The following SLIT3 variants were observed in gnomAD, a reference collection of about 807,000 sequenced individuals.
SLIT3 encodes slit homolog 3 protein.
In SLIT3, 68 loss-of-function variants were observed where a neutral mutation model predicts 184.0. The observed-to-expected ratio is 0.37, with a 90% CI of 0.30 to 0.45. The LOEUF is 0.45. SLIT3 is among the 20% of genes least tolerant of loss of function. The pLI is 1.00. For missense variants in SLIT3, 1,707 were observed against 2,026.0 expected (o/e 0.84, Z 3.02); for synonymous variants, 831 against 828.6 (o/e 1.00, Z -0.05).
In SLIT3 at chr5:168,864,252, G is replaced by T. The variant is rs115876185; in HGVS notation, c.485+19013C>A. Among the ~76,000 whole-genome samples, 970 of 152,200 alleles carry T rather than the reference G, an allele frequency of 6.4e-3. 13 individuals are homozygous for T. Among genetic ancestry groups the T allele is most frequent in the African/African-American group, 0.022 (904 of 41,536 alleles). On this transcript the variant is annotated intron_variant, in intron 5 of 35. Transcript: ENST00000519560. ...AGCATAATGCTTAAAAACACAAGTG[G>T]TAAAAGACTGTACAGACCATCTGCA... is the stretch of plus-strand genomic sequence containing the variant.
At chr5:168,817,237 T>C in intron 8 of SLIT3, 63 bp downstream of exon 8, 7 of 1,492,688 alleles carry the variant, frequency 4.7e-6, no homozygotes, top group Non-Finnish European at 6.5e-6. Context: ...AGGGTGATGT[T>C]GTGGGAGCTC....
chr5:169,080,637 G>GT (rs139005435), intron 4 of SLIT3, among the ~76,000 whole-genome samples: 5,610 of 151,770 alleles, frequency 0.037, 372 homozygotes, highest in East Asian at 0.23. Context: ...TGAGGAAGCT[G>GT]TTTTTTTTGC....
chr5:169,226,731 T>TC (rs112660985), intron 3 of SLIT3, among the ~76,000 whole-genome samples: 73 of 152,254 alleles, frequency 4.8e-4, no homozygotes, highest in African/African-American at 1.7e-3. Flanking sequence ...TTATCCTCAG[T>TC]CCCTTCTCTT....
chr5:168,824,537 C>T (rs1387748164), intron 6 of SLIT3, among the ~76,000 whole-genome samples: 3 of 152,178 alleles, frequency 2.0e-5, no homozygotes, highest in African/African-American at 7.2e-5. Flanking sequence ...GCAGAAACAT[C>T]ACGTAGCAGG....
intron 4 of SLIT3, among the ~76,000 whole-genome samples, chr5:168,893,226 C>G (rs1760533107): frequency 6.6e-6 from 1 of 152,140 alleles, no homozygotes; most frequent in Admixed American, 6.6e-5. Flanking sequence ...AGCTTGTTCA[C>G]CTGATTCAAA....
intron 4 of SLIT3, among the ~76,000 whole-genome samples, chr5:169,039,675 A>G (rs1757382770): frequency 6.6e-6 from 1 of 152,096 alleles, no homozygotes; most frequent in African/African-American, 2.4e-5. Flanking sequence ...TTCCACCACC[A>G]CTAATCAAAG....
rs144799628 is a variant in SLIT3 at position 168,685,737 on chromosome 5, C to A, written c.3505G>T (p.Val1169Leu). The A allele has an allele frequency of 1.3e-6, 2 of 1,596,326 alleles. No homozygotes were observed. The highest frequency in any genetic ancestry group is 3.4e-5 in the Admixed American group (2 of 59,152). The change falls in exon 31 of 36, where the codon GTG becomes TTG. Residue 1169 changes from valine (V) to leucine (L), a missense_variant. By Grantham distance (32) the Val-to-Leu change is conservative. Around this residue, in one of 3 missense-constraint regions of SLIT3, gnomAD observed 387 missense variants for 477.9 expected, o/e 0.81. Coordinates refer to ENST00000519560, the MANE Select transcript of SLIT3 (RefSeq NM_003062.4). The stretch of plus-strand genomic sequence containing the variant: ...CGGACCTTGGCGGAGGCCAGTTCCA[C>A]GTAGGAGTCTTTGCCCACGAAGTTG... ...TVNFVGKDSY[V>L]ELASAKVRPQ... is the part of the protein sequence containing the mutation.
At position 168,975,656 on chromosome 5, in the gene SLIT3, T is replaced by TA. The variant is rs539924150; in HGVS notation, c.414-92321dup. Among the ~76,000 whole-genome samples, 14 of 152,298 alleles carry TA rather than the reference T, an allele frequency of 9.2e-5. No individual in the cohort carries two copies. In the Middle Eastern group the frequency reaches 0.01, roughly 111 times the overall value. On this transcript the variant is annotated intron_variant, in intron 4 of 35. Transcript: ENST00000519560. ...AAATAAATTTTAAGCATCTTTGTTC[T>TA]AAAAAAATTCAGCCACTTTTTTCTG...
At chr5:168,726,039 T>G (rs1763097826) in intron 20 of SLIT3, among the ~76,000 whole-genome samples, 1 of 152,136 alleles carries the variant, frequency 6.6e-6, no homozygotes, top group South Asian at 2.1e-4. Context: ...ATTGGACTGA[T>G]GTCCTTTTGC....
intron 23 of SLIT3, among the ~76,000 whole-genome samples, chr5:168,715,830 G>C (rs1315321973): frequency 1.3e-5 from 2 of 151,654 alleles, no homozygotes; most frequent in African/African-American, 2.4e-5. Context: ...GCACCACCAG[G>C]CCTATCTAAT....
At chr5:168,881,571 G>T (rs976656711) in intron 5 of SLIT3, among the ~76,000 whole-genome samples, 15 of 152,158 alleles carry the variant, frequency 9.9e-5, no homozygotes, top group African/African-American at 3.6e-4. Context: ...CCCTGAGTTA[G>T]TCACTGCCCC....
intron 23 of SLIT3, 161 bp from the exon 24 acceptor site, chr5:168,712,515 T>C (rs1482082686): frequency 3.1e-6 from 2 of 641,122 alleles, no homozygotes; most frequent in East Asian, 5.4e-5. Context: ...TGCATGAATG[T>C]TCTATGCCCA....
intron 5 of SLIT3, among the ~76,000 whole-genome samples, chr5:168,850,127 A>G (rs1758617799): frequency 6.6e-6 from 1 of 152,220 alleles, no homozygotes; most frequent in Non-Finnish European, 1.5e-5. Flanking sequence ...CTTCAAAAGA[A>G]ACGCATATAC....
chr5:169,206,551 T>G (rs1334477662), intron 3 of SLIT3, among the ~76,000 whole-genome samples: 2 of 152,248 alleles, frequency 1.3e-5, no homozygotes, highest in Non-Finnish European at 2.9e-5. Context: ...TGATCCTGTT[T>G]GAACCCATTG....
intron 4 of SLIT3, among the ~76,000 whole-genome samples, chr5:169,020,706 C>T (rs992091089): frequency 6.6e-6 from 1 of 152,184 alleles, no homozygotes; most frequent in African/African-American, 2.4e-5. Context: ...AACACATTTA[C>T]CATCTGCAAA....
intron 1 of SLIT3, among the ~76,000 whole-genome samples, chr5:169,290,986 G>T (rs563232330): frequency 4.6e-5 from 7 of 152,196 alleles, no homozygotes; most frequent in African/African-American, 1.7e-4. Context: ...GGGTGGTTAA[G>T]TGTGCTGGCA....
chr5:168,731,598 T>C (rs1194323008), intron 20 of SLIT3, among the ~76,000 whole-genome samples: 1 of 151,984 alleles, frequency 6.6e-6, no homozygotes, highest in Non-Finnish European at 1.5e-5. Flanking sequence ...ATCAAAAAGA[T>C]AATAGACCAT....
rs1760868154 is a variant in SLIT3 at position 168,661,980 on chromosome 5, C to G, written c.*4474G>C. 3 of 152,232 alleles carry G rather than the reference C, an allele frequency of 2.0e-5. No individual in the cohort carries two copies. The South Asian group carries it at 6.2e-4, about 32-fold the overall frequency. The allele number at this position is 152,232 out of a possible 1,614,324, so 9.4% of individuals were successfully genotyped here. On this transcript the variant is annotated 3_prime_UTR_variant, in exon 36 of 36. Coordinates refer to ENST00000519560, the MANE Select transcript of SLIT3 (RefSeq NM_003062.4). ...ATTATGCCTTTACTGGTCCTGCTAG[C>G]TGGCATGTTTCACCAACTTTTCCCT...
At chr5:168,892,716 G>A (rs11745560) in intron 4 of SLIT3, among the ~76,000 whole-genome samples, 57,145 of 152,092 alleles carry the variant, frequency 0.38, 11,685 homozygotes, top group East Asian at 0.6. Flanking sequence ...CAGTCCAAAC[G>A]GAAGCTTTCT....
Sources: gnomAD v4.1 joint callset for allele counts (sites outside exome capture counted in the v4.1 genomes callset) on GRCh38, gnomAD v4.1.1 for gene constraint, gnomAD v4.1.1 regional missense constraint, MANE v1.5 for transcripts, NCBI Gene and HGNC (gene_info 2026-07-23, HGNC 2026-07-21) for gene names.